Variants in PITPNC1 observed in about 807,000 individuals in gnomAD.
PITPNC1 encodes cytoplasmic phosphatidylinositol transfer protein 1.
Under a neutral mutation model 44.7 loss-of-function variants are expected in PITPNC1, and 18 were observed. The ratio of observed to expected loss-of-function variants is 0.40; its 90% CI spans 0.28 to 0.60. The LOEUF (loss-of-function observed/expected upper bound fraction) is 0.60. PITPNC1 is among the 20% of genes least tolerant of loss of function. PITPNC1 has a pLI of 0.39. For missense variants in PITPNC1, 290 were observed against 418.4 expected (o/e 0.69, Z 2.68); for synonymous variants, 141 against 149.6 (o/e 0.94, Z 0.42).
chr17:67,403,559 C>T (rs2038354323), intron 1 of PITPNC1, among the ~76,000 whole-genome samples: 1 of 152,240 alleles, frequency 6.6e-6, no homozygotes, highest in Admixed American at 6.5e-5. Context: ...AGAGGGCCAA[C>T]ATTTATGGAA....
At chr17:67,534,803 G>A (rs1211643324) in intron 2 of PITPNC1, among the ~76,000 whole-genome samples, 1 of 152,174 alleles carries the variant, frequency 6.6e-6, no homozygotes, top group Non-Finnish European at 1.5e-5. Context: ...TGATTATCCA[G>A]AAAGTATTTC....
At chr17:67,670,890 G>GCTA (rs1369272560) in intron 7 of PITPNC1, among the ~76,000 whole-genome samples, 1 of 152,010 alleles carries the variant, frequency 6.6e-6, no homozygotes, top group Non-Finnish European at 1.5e-5. Context: ...TGTTGCTGCT[G>GCTA]CTGTTGTTTT....
At chr17:67,599,010 ATATATATATATATATATATATATAT>A (rs1436373981) in intron 5 of PITPNC1, among the ~76,000 whole-genome samples, 1 of 20,480 alleles carries the variant, frequency 4.9e-5, no homozygotes, top group Non-Finnish European at 1.4e-4. Context: ...ACATATATAT[ATATATATATATATATATATATATAT>A]TTTTTTTTTT....
chr17:67,513,671 C>G (rs575503605), intron 1 of PITPNC1, among the ~76,000 whole-genome samples: 4 of 151,954 alleles, frequency 2.6e-5, no homozygotes, highest in African/African-American at 7.2e-5. Flanking sequence ...GGGGGCTTCC[C>G]AGTGCAATCA....
chr17:67,596,502 T>C (rs2041461854), intron 5 of PITPNC1, among the ~76,000 whole-genome samples: 1 of 152,182 alleles, frequency 6.6e-6, no homozygotes, highest in Non-Finnish European at 1.5e-5. Context: ...TGTTGTTTTG[T>C]ATTTTTGTTG....
intron 6 of PITPNC1, among the ~76,000 whole-genome samples, chr17:67,642,429 A>G (rs7219121): frequency 0.032 from 4,913 of 152,238 alleles, 74 homozygotes; most frequent in African/African-American, 0.048. Flanking sequence ...CCATCAACCT[A>G]CATCCTTCCC....
At chr17:67,557,441 G>A (rs2040853285) in intron 4 of PITPNC1, among the ~76,000 whole-genome samples, 1 of 152,230 alleles carries the variant, frequency 6.6e-6, no homozygotes, top group Non-Finnish European at 1.5e-5. Flanking sequence ...ACACATGGAT[G>A]GAGGGCAGGT....
At chr17:67,608,893 G>A (rs2041650821) in intron 5 of PITPNC1, among the ~76,000 whole-genome samples, 1 of 151,986 alleles carries the variant, frequency 6.6e-6, no homozygotes. Context: ...TTTCCCCATT[G>A]TGTTCTCATG....
At chr17:67,628,538 C>G (rs1342728567) in intron 5 of PITPNC1, among the ~76,000 whole-genome samples, 1 of 152,212 alleles carries the variant, frequency 6.6e-6, no homozygotes, top group African/African-American at 2.4e-5. Context: ...GCAGGGGCCT[C>G]TCTGCATGGC....
chr17:67,669,200 G>A (rs1024381739), intron 6 of PITPNC1, among the ~76,000 whole-genome samples: 8 of 152,144 alleles, frequency 5.3e-5, no homozygotes, highest in Admixed American at 2.0e-4. Flanking sequence ...TCTGCCTCTC[G>A]GGTTCAAGCA....
intron 8 of PITPNC1, chr17:67,686,926 C>T: frequency 1.6e-6 from 1 of 617,870 alleles, no homozygotes; most frequent in Non-Finnish European, 2.9e-6. Flanking sequence ...AACTTTATGA[C>T]TTACTCATCA....
intron 4 of PITPNC1, among the ~76,000 whole-genome samples, chr17:67,557,270 C>A (rs565674873): frequency 6.6e-6 from 1 of 152,142 alleles, no homozygotes; most frequent in South Asian, 2.1e-4. Context: ...ACCCTCGTGA[C>A]CTCATCCCTA....
rs533882789 is a variant in PITPNC1, at chr17:67,438,813, G to C, written c.48+60611G>C. ...AAAAGCAGTACTGCTGCTGACTTACGGCTACTATTCTGAGTTGAAAGTGCT... is the reference window on the plus strand; with the variant it reads ...AAAAGCAGTACTGCTGCTGACTTACCGCTACTATTCTGAGTTGAAAGTGCT... On this transcript the variant is annotated intron_variant, in intron 1 of 8. Transcript: ENST00000581322. Among the ~76,000 whole-genome samples the C allele has an allele frequency of 2.0e-5, 3 of 152,226 alleles. No individual in the cohort carries two copies. In the South Asian group the frequency reaches 6.2e-4, roughly 32 times the overall value.
chr17:67,690,175 C>A (rs957054082), intron 8 of PITPNC1, among the ~76,000 whole-genome samples: 2 of 152,128 alleles, frequency 1.3e-5, no homozygotes, highest in Admixed American at 6.5e-5. Flanking sequence ...AAGCTGGGCA[C>A]GGTGGCTCAT....
At chr17:67,628,933 C>G (rs1399601558) in intron 5 of PITPNC1, among the ~76,000 whole-genome samples, 3 of 152,182 alleles carry the variant, frequency 2.0e-5, no homozygotes, top group Non-Finnish European at 4.4e-5. Context: ...CTTTAGGGCC[C>G]CCTACTGATG....
chr17:67,448,581 G>A (rs1260713269), intron 1 of PITPNC1, among the ~76,000 whole-genome samples: 3 of 152,054 alleles, frequency 2.0e-5, no homozygotes, highest in African/African-American at 7.3e-5. Context: ...CCGTTTCTCC[G>A]CTCCACTGGA....
chr17:67,526,381 T>G (rs1331085434), intron 1 of PITPNC1, among the ~76,000 whole-genome samples: 1 of 152,216 alleles, frequency 6.6e-6, no homozygotes, highest in African/African-American at 2.4e-5. Flanking sequence ...TGATAATCCC[T>G]TACTGTACTC....
intron 4 of PITPNC1, among the ~76,000 whole-genome samples, chr17:67,562,272 GGT>G (rs1473726432): frequency 6.6e-6 from 1 of 152,164 alleles, no homozygotes; most frequent in East Asian, 1.9e-4. Context: ...GGTGCGGGCT[GGT>G]GAGGAGCAGC....
intron 1 of PITPNC1, among the ~76,000 whole-genome samples, chr17:67,461,346 G>A (rs887080004): frequency 6.6e-6 from 1 of 152,206 alleles, no homozygotes; most frequent in African/African-American, 2.4e-5. Flanking sequence ...AGAATAGCAC[G>A]GGACAATAGT....
Sources: allele counts gnomAD v4.1 joint callset (sites outside exome capture counted in the v4.1 genomes callset), GRCh38; gene constraint gnomAD v4.1.1; transcripts MANE v1.5; gene names NCBI Gene and HGNC (gene_info 2026-07-23, HGNC 2026-07-21).